The following UBE2R2 variants were observed in gnomAD, a reference collection of about 807,000 sequenced individuals.
The protein encoded by UBE2R2 is ubiquitin-conjugating enzyme E2 R2.
UBE2R2 carries 1 observed loss-of-function variant against 27.8 expected under a neutral mutation model. The ratio of observed to expected loss-of-function variants is 0.04; its 90% confidence interval spans 0.01 to 0.17. UBE2R2 has a LOEUF of 0.17. Among genes scored for constraint, UBE2R2 ranks in the 10% least tolerant of loss-of-function variants. UBE2R2 has a pLI of 1.00. For synonymous variants in UBE2R2, 106 were observed against 113.3 expected, an observed-to-expected ratio of 0.94 and a Z score of 0.41; for missense variants, 100 against 291.0, an observed-to-expected ratio of 0.34 and a Z score of 4.78.
chr9:33,828,742 T>A (rs1322320777), intron 1 of UBE2R2, among the ~76,000 whole-genome samples: 11 of 151,898 alleles, frequency 7.2e-5, no homozygotes, highest in Admixed American at 7.2e-4. Context: ...TTGTAGTTTT[T>A]TTTTTTTTGA....
intron 1 of UBE2R2, among the ~76,000 whole-genome samples, chr9:33,883,506 G>T (rs1821778699): frequency 6.6e-6 from 1 of 151,312 alleles, no homozygotes; most frequent in Non-Finnish European, 1.5e-5. Context: ...ACGAGGTCAA[G>T]AGATCAACGC....
chr9:33,886,296 C>T (rs765438729), intron 1 of UBE2R2, among the ~76,000 whole-genome samples: 38 of 151,950 alleles, frequency 2.5e-4, no homozygotes, highest in Non-Finnish European at 4.9e-4. Context: ...ACTTGTGAGG[C>T]AAGTTAAAAT....
At chr9:33,819,285 G>A (rs1009363472) in intron 1 of UBE2R2, among the ~76,000 whole-genome samples, 1 of 152,116 alleles carries the variant, frequency 6.6e-6, no homozygotes, top group African/African-American at 2.4e-5. Context: ...TCTAAAGGTG[G>A]AAACCTCAGT....
At chr9:33,853,556 A>G (rs1299524524) in intron 1 of UBE2R2, among the ~76,000 whole-genome samples, 1 of 151,968 alleles carries the variant, frequency 6.6e-6, no homozygotes, top group Non-Finnish European at 1.5e-5. Context: ...AAGTGCTGAG[A>G]TTACAGGTGT....
intron 2 of UBE2R2, among the ~76,000 whole-genome samples, chr9:33,888,627 C>T (rs554624222): frequency 1.5e-4 from 23 of 152,332 alleles, no homozygotes; most frequent in Admixed American, 7.8e-4. Context: ...AGCGATTCTC[C>T]TGTCTCAGCT....
rs1821205880 is a variant in UBE2R2 at position 33,860,514 on chromosome 9, A to T, written c.178-26367A>T. On this transcript the variant is annotated intron_variant, in intron 1 of 4. Transcript: ENST00000263228. ...AGAATTTTCACAGATTCATGGTTGT[A>T]TGACATCAGATTTTCATTTTTTGTT... 2.0e-5 allele frequency among the ~76,000 whole-genome samples: 3 copies of T among 152,266 alleles called. No individual in the cohort carries two copies. In the South Asian group the frequency reaches 6.2e-4, roughly 32 times the overall value.
chr9:33,830,137 T>C (rs1820426436), intron 1 of UBE2R2, among the ~76,000 whole-genome samples: 1 of 149,596 alleles, frequency 6.7e-6, no homozygotes, highest in Admixed American at 6.9e-5. Context: ...TTATTCTGCA[T>C]TTGGATTTCC....
At chr9:33,895,768 C>CTTTTTTTTT (rs776870484) in intron 2 of UBE2R2, among the ~76,000 whole-genome samples, 10 of 90,276 alleles carry the variant, frequency 1.1e-4, no homozygotes, top group South Asian at 8.0e-4. Context: ...CTCTCTCTCT[C>CTTTTTTTTT]TTTTTTTTTT....
chr9:33,842,168 G>A (rs1820746157), intron 1 of UBE2R2, among the ~76,000 whole-genome samples: 1 of 152,086 alleles, frequency 6.6e-6, no homozygotes, highest in African/African-American at 2.4e-5. Context: ...GGAAGGCCGA[G>A]GTCAGAGGAT....
intron 3 of UBE2R2, among the ~76,000 whole-genome samples, chr9:33,905,115 G>A (rs989453336): frequency 2.0e-5 from 3 of 152,134 alleles, no homozygotes; most frequent in African/African-American, 7.2e-5. Flanking sequence ...ATAGGCTCTG[G>A]GATGGTGAAG....
intron 3 of UBE2R2, among the ~76,000 whole-genome samples, chr9:33,910,513 A>C (rs1319505579): frequency 6.6e-6 from 1 of 152,102 alleles, no homozygotes; most frequent in Non-Finnish European, 1.5e-5. Flanking sequence ...TTATCTGTGG[A>C]TGAAAATTGG....
At chr9:33,892,641 T>C (rs753931321) in intron 2 of UBE2R2, among the ~76,000 whole-genome samples, 31 of 152,294 alleles carry the variant, frequency 2.0e-4, no homozygotes, top group Middle Eastern at 3.4e-3. Context: ...GGTTTGTAAA[T>C]AACTTGTCAC....
rs564883963 is a variant in UBE2R2, at chr9:33,879,526, T to G, written c.178-7355T>G. Among the ~76,000 whole-genome samples, 13 of 152,130 alleles carry G rather than the reference T, an allele frequency of 8.5e-5. No individual in the cohort carries two copies. In the East Asian group the frequency reaches 2.5e-3, roughly 30 times the overall value. ...TGGAGTGCAGTGGCGTGATCACAGC[T>G]TACTGCAGACTCGACCTCCTGGGCT... On this transcript the variant is annotated intron_variant, in intron 1 of 4. Transcript: ENST00000263228.
At chr9:33,838,776 T>C (rs1026047148) in intron 1 of UBE2R2, among the ~76,000 whole-genome samples, 4 of 152,124 alleles carry the variant, frequency 2.6e-5, no homozygotes, top group African/African-American at 7.2e-5. Context: ...AACAGTATTA[T>C]TGTTTTACAT....
chr9:33,894,784 G>C lies in UBE2R2; in HGVS notation c.265-5390G>C, dbSNP rs1339882250. ...TGCTGGCTGTTATCTGTGGTCCCAG[G>C]TACTTGGGAGGCTGAAGTGGAAGGA... On this transcript the variant is annotated intron_variant, in intron 2 of 4. Transcript: ENST00000263228. Among the ~76,000 whole-genome samples, 7 of 152,178 alleles carry C rather than the reference G, an allele frequency of 4.6e-5. No homozygotes were observed. The East Asian group carries it at 1.3e-3, about 29-fold the overall frequency.
intron 1 of UBE2R2, among the ~76,000 whole-genome samples, chr9:33,845,771 G>A (rs1051688922): frequency 2.0e-5 from 3 of 152,080 alleles, no homozygotes; most frequent in Non-Finnish European, 4.4e-5. Context: ...ACTTTGGGAG[G>A]CTGAGTCGGG....
intron 2 of UBE2R2, among the ~76,000 whole-genome samples, chr9:33,888,551 T>A (rs1005728335): frequency 2.0e-5 from 3 of 152,192 alleles, no homozygotes; most frequent in African/African-American, 7.2e-5. Flanking sequence ...AGATGGAATC[T>A]CTGTCACCCA....
chr9:33,900,700 AATAT>A (rs1305490634), intron 3 of UBE2R2, among the ~76,000 whole-genome samples: 2 of 151,996 alleles, frequency 1.3e-5, no homozygotes, highest in African/African-American at 2.4e-5. Context: ...CATACATATA[AATAT>A]ATATCTATAT....
upstream of UBE2R2, among the ~76,000 whole-genome samples, chr9:33,816,396 C>A (rs138786045): frequency 1.1e-4 from 16 of 152,294 alleles, no homozygotes; most frequent in African/African-American, 3.4e-4. Flanking sequence ...TAAGTTCAAC[C>A]ACAGTAGTTT....
Sources: allele counts gnomAD v4.1 joint callset (sites outside exome capture counted in the v4.1 genomes callset), GRCh38; gene constraint gnomAD v4.1.1; transcripts MANE v1.5; gene names NCBI Gene and HGNC (gene_info 2026-07-23, HGNC 2026-07-21).